The following SERAC1 variants were observed in gnomAD, a reference collection of about 807,000 sequenced individuals.
The protein encoded by SERAC1 is serine active site containing 1, also known as protein SERAC1.
Under a neutral mutation model 85.7 loss-of-function variants are expected in SERAC1, and 36 were observed. The observed-to-expected ratio is 0.42, with a 90% confidence interval of 0.32 to 0.55. The LOEUF (loss-of-function observed/expected upper bound fraction) is 0.55. Ranked by LOEUF, SERAC1 falls within the 20% of genes least tolerant of loss-of-function variation. The probability of loss-of-function intolerance (pLI) is 0.11; values close to 1 mark genes in which losing one functional copy is unlikely to be tolerated. For synonymous variants in SERAC1, 242 were observed against 265.3 expected (o/e 0.91, Z 0.85); for missense variants, 629 against 796.2 (o/e 0.79, Z 2.53).
At chr6:158,122,505 G>C (rs922376782) in intron 10 of SERAC1, among the ~76,000 whole-genome samples, 2 of 152,188 alleles carry the variant, frequency 1.3e-5, no homozygotes, top group Non-Finnish European at 2.9e-5. Context: ...CAATGGGCCA[G>C]GCGTGGTGTT....
chr6:158,166,438 A>T (rs1785598367), intron 1 of SERAC1, among the ~76,000 whole-genome samples: 1 of 129,102 alleles, frequency 7.7e-6, no homozygotes, highest in Non-Finnish European at 1.8e-5. Context: ...ATAGGGAGAG[A>T]CCTTATTTTT....
chr6:158,166,470 C>T (rs1785599233), intron 1 of SERAC1, among the ~76,000 whole-genome samples: 1 of 152,104 alleles, frequency 6.6e-6, no homozygotes, highest in Non-Finnish European at 1.5e-5. Flanking sequence ...AAATTGACTT[C>T]ACTATTCTTG....
intron 8 of SERAC1, among the ~76,000 whole-genome samples, chr6:158,141,959 A>G (rs901429349): frequency 2.6e-5 from 4 of 151,740 alleles, no homozygotes; most frequent in African/African-American, 9.8e-5. Flanking sequence ...TTAATTGGTC[A>G]AAGAATATAA....
chr6:158,113,333 A>T (rs2128409993), intron 16 of SERAC1, 116 bp downstream of exon 16: 1 of 788,350 alleles, frequency 1.3e-6, no homozygotes, highest in East Asian at 2.6e-5. Context: ...TCAAATCTAG[A>T]CCTTCATAAA....
At chr6:158,160,236 G>A (rs1435567618) in intron 1 of SERAC1, among the ~76,000 whole-genome samples, 1 of 151,252 alleles carries the variant, frequency 6.6e-6, no homozygotes, top group Non-Finnish European at 1.5e-5. Flanking sequence ...TATTCATTAA[G>A]CAAATACTTA....
At chr6:158,155,691 A>G (rs1785313041) in intron 2 of SERAC1, among the ~76,000 whole-genome samples, 1 of 152,170 alleles carries the variant, frequency 6.6e-6, no homozygotes, top group Admixed American at 6.5e-5. Flanking sequence ...GACCCCTTTT[A>G]GTTAACAACC....
chr6:158,115,940 A>G (rs1194956165), intron 14 of SERAC1, among the ~76,000 whole-genome samples: 1 of 152,212 alleles, frequency 6.6e-6, no homozygotes, highest in Non-Finnish European at 1.5e-5. Flanking sequence ...TGAAAGCACT[A>G]CGCTGTCAAA....
At position 158,120,428 on chromosome 6, in the gene SERAC1, G is replaced by T. The variant is rs367781123; in HGVS notation, c.1163C>A (p.Thr388Lys). 3 of 1,611,058 alleles carry T rather than the reference G, an allele frequency of 1.9e-6. No homozygotes were observed. Among genetic ancestry groups the T allele is most frequent in the East Asian group, 2.2e-5 (1 of 44,752 alleles). The change falls in exon 11 of 17, where the codon ACA becomes AAA. Residue 388 changes from threonine (T) to lysine (K), a missense_variant. By Grantham distance (78) the Thr-to-Lys change is moderately conservative (BLOSUM62 -1). Coordinates refer to ENST00000647468, the MANE Select transcript of SERAC1 (RefSeq NM_032861.4). This position sits in a 1 kb window ranked among gnomAD's most constrained non-coding sequence, Gnocchi z 4.4. ...CAACTCTCTTCTGCTTCCTTACCTT[G>T]TTCGATATTGGGGATGCAGCACATA... ...GVYVLHPQYR[T>K]SQPIKADVLF...
intron 4 of SERAC1, among the ~76,000 whole-genome samples, chr6:158,149,634 C>A (rs1277804347): frequency 6.6e-6 from 1 of 152,152 alleles, no homozygotes; most frequent in Non-Finnish European, 1.5e-5. Context: ...GATTAAGTCT[C>A]AATATACAGG....
chr6:158,130,482 C>G lies in SERAC1; in HGVS notation c.743G>C (p.Gly248Ala), dbSNP rs748029010. The change falls in exon 9 of 17, where the codon GGT (glycine) becomes GCT (alanine). Residue 248 changes from glycine (G) to alanine (A), a missense_variant. Gly to Ala is a moderately conservative substitution (Grantham distance 60, BLOSUM62 0). Transcript: ENST00000647468. ...TCCATTTCCTCCAAAACACCATAAA[C>G]CACCCTGAAATTAAAATAATTAAAA... is the stretch of plus-strand genomic sequence containing the variant. ...SSQSLAAQKG[G>A]LWCFGGNGLP... 1 of 1,559,994 alleles carries G rather than the reference C, an allele frequency of 6.4e-7. No homozygotes were observed. Among genetic ancestry groups the G allele is most frequent in the Non-Finnish European group, 8.7e-7 (1 of 1,152,660 alleles).
At chr6:158,124,291 T>C (rs1784486220) in intron 10 of SERAC1, among the ~76,000 whole-genome samples, 1 of 151,922 alleles carries the variant, frequency 6.6e-6, no homozygotes, top group Admixed American at 6.6e-5. Context: ...TTAAACATAA[T>C]GAATAGAATC....
intron 2 of SERAC1, among the ~76,000 whole-genome samples, chr6:158,155,875 T>C (rs1190866807): frequency 6.6e-6 from 1 of 152,218 alleles, no homozygotes; most frequent in Non-Finnish European, 1.5e-5. Context: ...CCGGGTGCGG[T>C]GGCTCACGCC....
At chr6:158,138,149 G>C (rs751994925) in intron 8 of SERAC1, among the ~76,000 whole-genome samples, 10 of 152,020 alleles carry the variant, frequency 6.6e-5, no homozygotes, top group Non-Finnish European at 1.5e-4. Flanking sequence ...GCAGCATAGT[G>C]GGGCCAGTCA....
At chr6:158,111,802 T>C (rs1051705058) in intron 16 of SERAC1, 1 of 194,044 alleles carries the variant, frequency 5.2e-6, no homozygotes, top group African/African-American at 2.3e-5. Flanking sequence ...TTCAAAACCT[T>C]CTTACACCTG....
chr6:158,146,752 G>A, intron 6 of SERAC1, 30 bp downstream of exon 6: 4 of 1,611,310 alleles, frequency 2.5e-6, no homozygotes, highest in Non-Finnish European at 3.4e-6. Flanking sequence ...CCAGCTGAAG[G>A]CATGCCACCT....
intron 3 of SERAC1, among the ~76,000 whole-genome samples, chr6:158,151,348 C>T (rs904116700): frequency 1.3e-5 from 2 of 152,178 alleles, no homozygotes; most frequent in Admixed American, 1.3e-4. Context: ...GAGTTCAAGC[C>T]TGCGGCATGC....
At chr6:158,134,484 G>A (rs748203852) in intron 8 of SERAC1, among the ~76,000 whole-genome samples, 2 of 152,184 alleles carry the variant, frequency 1.3e-5, no homozygotes, top group Non-Finnish European at 2.9e-5. Flanking sequence ...AGACATGGGA[G>A]ACAACCTGAA....
chr6:158,146,729 C>G, intron 6 of SERAC1, 53 bp downstream of exon 6: 2 of 1,604,652 alleles, frequency 1.2e-6, no homozygotes, highest in Non-Finnish European at 8.5e-7. Context: ...TCTTTTATGT[C>G]AGCAATCAAG....
rs1784381232 is a variant in SERAC1 at position 158,119,958 on chromosome 6, T to C, written c.1166+467A>G. On this transcript the variant is annotated intron_variant, in intron 11 of 16. Coordinates refer to ENST00000647468, the MANE Select transcript of SERAC1 (RefSeq NM_032861.4). This position sits in a 1 kb window ranked among gnomAD's most constrained non-coding sequence, Gnocchi z 4.5. ...CATGAGTCAAACTTATTACAACTTA[T>C]TCTTTCTAATGCATCCTTTTATAAC... Among the ~76,000 whole-genome samples, 1 of 152,214 alleles carries C rather than the reference T, an allele frequency of 6.6e-6. No individual in the cohort carries two copies. The highest frequency in any genetic ancestry group is 1.5e-5 in the Non-Finnish European group (1 of 68,032).
Sources: gnomAD v4.1 joint callset for allele counts (sites outside exome capture counted in the v4.1 genomes callset) on GRCh38, gnomAD v4.1.1 for gene constraint, Gnocchi (gnomAD v3.1) non-coding constraint, MANE v1.5 for transcripts, NCBI Gene and HGNC (gene_info 2026-07-23, HGNC 2026-07-21) for gene names.